MDGA2: variants seen among roughly 807,000 people sequenced by gnomAD.
The protein encoded by MDGA2 is MAM domain-containing glycosylphosphatidylinositol anchor protein 2.
In MDGA2, 40 loss-of-function variants were observed where a neutral mutation model predicts 117.8. That is an observed-to-expected ratio of 0.34 (90% CI 0.26 to 0.44). The LOEUF (loss-of-function observed/expected upper bound fraction) is 0.44, where lower values mean the gene tolerates loss of function less well. Ranked by LOEUF, MDGA2 falls within the 20% of genes least tolerant of loss-of-function variation. The pLI is 1.00. For synonymous variants in MDGA2, 452 were observed against 439.0 expected, an observed-to-expected ratio of 1.03 and a Z score of -0.37; for missense variants, 1,123 against 1,250.6, an observed-to-expected ratio of 0.90 and a Z score of 1.54.
rs547532810 is a variant in MDGA2 at position 47,403,863 on chromosome 14, C to T, written c.281-102313G>A. 3.3e-5 allele frequency among the ~76,000 whole-genome samples: 5 copies of T among 152,192 alleles called. No homozygotes were observed. In the South Asian group the frequency reaches 8.3e-4, roughly 25 times the overall value. On this transcript the variant is annotated intron_variant, in intron 1 of 16. Coordinates refer to ENST00000399232, the MANE Select transcript of MDGA2 (RefSeq NM_001113498.3). ...TTTCCTCTGAAGCCCACTCTATACC[C>T]AGAGAAAAGGGATGTCCTTATCTCT...
intron 2 of MDGA2, among the ~76,000 whole-genome samples, chr14:47,287,209 G>C (rs894120795): frequency 2.6e-5 from 4 of 151,960 alleles, no homozygotes; most frequent in African/African-American, 9.7e-5. Flanking sequence ...ACAGCGTCCT[G>C]TGATATATGC....
chr14:47,578,287 C>T (rs1404316076), intron 1 of MDGA2, among the ~76,000 whole-genome samples: 1 of 151,914 alleles, frequency 6.6e-6, no homozygotes, highest in African/African-American at 2.4e-5. Context: ...AGCATTAGGA[C>T]AAATAGCTAA....
At chr14:47,199,147 G>C (rs138466881) in intron 3 of MDGA2, among the ~76,000 whole-genome samples, 1 of 151,860 alleles carries the variant, frequency 6.6e-6, no homozygotes, top group African/African-American at 2.4e-5. Context: ...TCCCACAATT[G>C]TGGGAGCCAA....
chr14:47,408,342 C>A (rs1313021080), intron 1 of MDGA2, among the ~76,000 whole-genome samples: 41 of 152,170 alleles, frequency 2.7e-4, no homozygotes, highest in Admixed American at 2.6e-3. Context: ...GCGTTAGCCA[C>A]CGTGCCCAGC....
intron 1 of MDGA2, among the ~76,000 whole-genome samples, chr14:47,533,126 G>A (rs1895134230): frequency 1.3e-5 from 2 of 152,328 alleles, no homozygotes; most frequent in South Asian, 2.1e-4. Context: ...TGAGACCAGA[G>A]ATGGTTCTAT....
chr14:47,479,601 A>T (rs1460797545), intron 1 of MDGA2, among the ~76,000 whole-genome samples: 1 of 152,176 alleles, frequency 6.6e-6, no homozygotes, highest in Non-Finnish European at 1.5e-5. Context: ...CAATCTAATG[A>T]AGGATCTCCT....
intron 1 of MDGA2, among the ~76,000 whole-genome samples, chr14:47,542,050 A>C (rs1895363479): frequency 6.6e-6 from 1 of 152,208 alleles, no homozygotes; most frequent in Admixed American, 6.5e-5. Flanking sequence ...GAAACTGACT[A>C]ATATAGAGAC....
chr14:47,041,509 GTA>G (rs946996180), intron 7 of MDGA2, among the ~76,000 whole-genome samples: 1 of 151,974 alleles, frequency 6.6e-6, no homozygotes, highest in African/African-American at 2.4e-5. Context: ...ATATGTTACA[GTA>G]TATATGTGTA....
At chr14:47,428,861 A>C (rs1256293830) in intron 1 of MDGA2, among the ~76,000 whole-genome samples, 1 of 152,104 alleles carries the variant, frequency 6.6e-6, no homozygotes, top group Non-Finnish European at 1.5e-5. Context: ...TTAAGAACAA[A>C]ATTTTTGTAA....
intron 8 of MDGA2, among the ~76,000 whole-genome samples, chr14:46,983,906 G>A (rs908602245): frequency 5.9e-5 from 9 of 151,564 alleles, no homozygotes; most frequent in Non-Finnish European, 1.2e-4. Context: ...TAAGTGCATA[G>A]AATTAATATT....
At chr14:47,195,772 C>T (rs1418919850) in intron 3 of MDGA2, among the ~76,000 whole-genome samples, 2 of 152,046 alleles carry the variant, frequency 1.3e-5, no homozygotes, top group Admixed American at 1.3e-4. Context: ...TCCCTTCAAT[C>T]TGTGGATAAC....
intron 8 of MDGA2, among the ~76,000 whole-genome samples, chr14:47,000,368 T>A (rs1566567752): frequency 1.1e-5 from 1 of 90,250 alleles, no homozygotes; most frequent in East Asian, 2.9e-4. Flanking sequence ...TATATATGTA[T>A]ATATATATTT....
At chr14:47,281,928 G>A (rs773266348) in intron 2 of MDGA2, among the ~76,000 whole-genome samples, 2 of 151,586 alleles carry the variant, frequency 1.3e-5, no homozygotes, top group Non-Finnish European at 2.9e-5. Flanking sequence ...GTGGCGGCGC[G>A]CCTGTTGTCC....
intron 16 of MDGA2, among the ~76,000 whole-genome samples, 188 bp downstream of exon 16, chr14:46,845,578 A>G (rs1051968764): frequency 6.6e-6 from 1 of 152,174 alleles, no homozygotes; most frequent in African/African-American, 2.4e-5. Flanking sequence ...TCTTAGGCCA[A>G]ATATGTCTAC....
intron 8 of MDGA2, among the ~76,000 whole-genome samples, chr14:47,011,999 G>GTGT (rs3038621): frequency 0.85 from 129,330 of 151,820 alleles, 55,200 homozygotes; most frequent in East Asian, 0.97. Context: ...TTCCTGAATT[G>GTGT]TGTCATCGTT....
chr14:47,618,036 A>C (rs984915761), intron 1 of MDGA2, among the ~76,000 whole-genome samples: 29 of 152,210 alleles, frequency 1.9e-4, no homozygotes, highest in African/African-American at 6.8e-4. Flanking sequence ...TCTCTTAGCT[A>C]CATCCTATCA....
chr14:47,671,659 G>T (rs554867269), intron 1 of MDGA2, among the ~76,000 whole-genome samples: 2 of 152,256 alleles, frequency 1.3e-5, no homozygotes, highest in East Asian at 3.9e-4. Flanking sequence ...AGCAAATAAA[G>T]GAATACAGAT....
intron 1 of MDGA2, among the ~76,000 whole-genome samples, chr14:47,613,797 A>G (rs1042169786): frequency 1.3e-5 from 2 of 152,180 alleles, no homozygotes; most frequent in African/African-American, 4.8e-5. Context: ...CACACTAAAA[A>G]TAAACCCCCA....
chr14:47,478,773 T>A (rs894672884), intron 1 of MDGA2, among the ~76,000 whole-genome samples: 1 of 152,134 alleles, frequency 6.6e-6, no homozygotes, highest in East Asian at 1.9e-4. Context: ...AAATCTCCTG[T>A]GAGTTAGAGA....
Sources: gnomAD v4.1 joint callset for allele counts (sites outside exome capture counted in the v4.1 genomes callset) on GRCh38, gnomAD v4.1.1 for gene constraint, MANE v1.5 for transcripts, NCBI Gene and HGNC (gene_info 2026-07-23, HGNC 2026-07-21) for gene names.